Variants in HPSE2 observed in about 807,000 individuals in gnomAD.
HPSE2 encodes inactive heparanase-2.
A neutral mutation model predicts 60.5 loss-of-function variants in HPSE2; 38 were observed. The observed-to-expected ratio is 0.63, with a 90% CI of 0.48 to 0.82. HPSE2 has a LOEUF of 0.82. HPSE2 is among the 40% of genes least tolerant of loss of function. HPSE2 has a pLI of 0.00. For missense variants in HPSE2, 713 were observed against 740.4 expected (o/e 0.96, Z 0.43); for synonymous variants, 295 against 293.2 (o/e 1.01, Z -0.06).
chr10:98,548,287 C>G (rs1030246915), intron 9 of HPSE2, among the ~76,000 whole-genome samples: 2 of 152,098 alleles, frequency 1.3e-5, no homozygotes. Flanking sequence ...AGTGGGTAGG[C>G]AAATTCCCTT....
At chr10:98,598,052 A>C (rs945341822) in intron 9 of HPSE2, among the ~76,000 whole-genome samples, 9 of 143,684 alleles carry the variant, frequency 6.3e-5, no homozygotes, top group African/African-American at 2.1e-4. Flanking sequence ...ATTCCCTTTC[A>C]TTCTTTTTTT....
Position 98,560,520 on chromosome 10 carries a change from C to A in HPSE2, c.1320+54384G>T, listed in dbSNP as rs58418313. Reference sequence around the variant, plus strand: ...AAGCAGCCTGAGACCAAAGCCCAGTCCTGGCCCCATGTAGGCCCCACCTTT... The same window carrying A: ...AAGCAGCCTGAGACCAAAGCCCAGTACTGGCCCCATGTAGGCCCCACCTTT... On this transcript the variant is annotated intron_variant, in intron 9 of 11. Coordinates refer to ENST00000370552, the MANE Select transcript of HPSE2 (RefSeq NM_021828.5). Among the ~76,000 whole-genome samples, 1,983 of 152,330 alleles carry A rather than the reference C, an allele frequency of 0.013. 90 individuals are homozygous for A. In the East Asian group the frequency reaches 0.16, roughly 12 times the overall value.
intron 6 of HPSE2, among the ~76,000 whole-genome samples, chr10:98,664,143 C>G (rs1947297266): frequency 6.6e-6 from 1 of 152,118 alleles, no homozygotes; most frequent in Non-Finnish European, 1.5e-5. Flanking sequence ...ATGACTCTAC[C>G]CATCTCAGCT....
intron 3 of HPSE2, among the ~76,000 whole-genome samples, chr10:98,858,779 C>T (rs1255794965): frequency 6.6e-6 from 1 of 152,188 alleles, no homozygotes; most frequent in African/African-American, 2.4e-5. Context: ...ATAACCCCTA[C>T]CTACCTTACC....
At chr10:99,217,518 T>C (rs1849168933) in intron 2 of HPSE2, among the ~76,000 whole-genome samples, 1 of 152,050 alleles carries the variant, frequency 6.6e-6, no homozygotes, top group South Asian at 2.1e-4. Context: ...GGAGATTTTT[T>C]TTAAATCAAA....
At chr10:98,704,331 C>T (rs1948489254) in intron 5 of HPSE2, among the ~76,000 whole-genome samples, 1 of 152,060 alleles carries the variant, frequency 6.6e-6, no homozygotes, top group Non-Finnish European at 1.5e-5. Flanking sequence ...GGCCACACTG[C>T]CCAAAGTAAT....
intron 9 of HPSE2, among the ~76,000 whole-genome samples, chr10:98,597,970 CAAAAAAAAAAAAAAA>C (rs571184082): frequency 5.4e-5 from 3 of 55,152 alleles, no homozygotes; most frequent in Admixed American, 2.1e-4. Flanking sequence ...GACTCCATCT[CAAAAAAAAAAAAAAA>C]AAAAAAAAAA....
chr10:98,908,684 A>G (rs1375575391), intron 3 of HPSE2, among the ~76,000 whole-genome samples: 2 of 18,818 alleles, frequency 1.1e-4, no homozygotes, highest in South Asian at 2.1e-3. Context: ...GCTCCATCTC[A>G]AAAAAAAAAA....
chr10:98,459,541 A>G lies in HPSE2; in HGVS notation c.*33T>C, dbSNP rs1383555583. 6.2e-7 allele frequency: 1 copy of G among 1,612,256 alleles called. No homozygotes were observed. The highest frequency in any genetic ancestry group is 8.5e-7 in the Non-Finnish European group (1 of 1,178,336). ...AGTGGAGGAGTGGAAGCAGCCCAGC[A>G]GGCCCACTGGTAGCCGTGAGTGTGA... On this transcript the variant is annotated 3_prime_UTR_variant, in exon 12 of 12. Coordinates refer to ENST00000370552, the MANE Select transcript of HPSE2 (RefSeq NM_021828.5).
rs770699941 is a variant in HPSE2, at chr10:99,072,927, C to CAAAAAAAAAA, written c.610+71301_610+71310dup. Among the ~76,000 whole-genome samples the CAAAAAAAAAA allele has an allele frequency of 9.1e-5, 8 of 88,060 alleles. 2 individuals are homozygous for CAAAAAAAAAA. The highest frequency in any genetic ancestry group is 3.9e-4 in the African/African-American group (6 of 15,546). The allele number at this position is 88,060 out of a possible 152,430, so 57.8% of individuals were successfully genotyped here. A position where few individuals can be genotyped will look rare whatever the true frequency, so the allele number is the denominator to read the frequency against. On this transcript the variant is annotated intron_variant, in intron 3 of 11. Transcript: ENST00000370552. ...CTGGTGACAGAGCCAGGCTCCGTCT[C>CAAAAAAAAAA]AAAAAAAAAAAAAAAAAAAAAAAAA...
At chr10:99,155,747 T>TA (rs1846520224) in intron 2 of HPSE2, among the ~76,000 whole-genome samples, 1 of 148,436 alleles carries the variant, frequency 6.7e-6, no homozygotes, top group African/African-American at 2.5e-5. Context: ...AAGAAATAAC[T>TA]AAAATCAGAG....
chr10:99,189,820 A>G (rs1247936335), intron 2 of HPSE2, among the ~76,000 whole-genome samples: 1 of 152,190 alleles, frequency 6.6e-6, no homozygotes, highest in Non-Finnish European at 1.5e-5. Context: ...AGACAGAAGT[A>G]AACCCTTGAA....
At chr10:98,978,129 A>G (rs1434879353) in intron 3 of HPSE2, among the ~76,000 whole-genome samples, 1 of 152,158 alleles carries the variant, frequency 6.6e-6, no homozygotes, top group Non-Finnish European at 1.5e-5. Context: ...GATTTTAATC[A>G]CTACTATCAG....
intron 3 of HPSE2, among the ~76,000 whole-genome samples, chr10:98,937,850 G>C (rs61883692): frequency 7.0e-6 from 1 of 143,070 alleles, no homozygotes; most frequent in Non-Finnish European, 1.5e-5. Context: ...AGTAGGGGCA[G>C]ACTGACACCT....
At chr10:98,590,175 G>A (rs1312522326) in intron 9 of HPSE2, among the ~76,000 whole-genome samples, 1 of 152,256 alleles carries the variant, frequency 6.6e-6, no homozygotes, top group Non-Finnish European at 1.5e-5. Flanking sequence ...AGGCGTGGTG[G>A]CTCATGCCTG....
At chr10:98,638,376 C>T (rs1030226371) in intron 7 of HPSE2, among the ~76,000 whole-genome samples, 10 of 148,988 alleles carry the variant, frequency 6.7e-5, no homozygotes, top group African/African-American at 2.2e-4. Flanking sequence ...ACCCGGGAGG[C>T]GGAGCTTGCA....
intron 2 of HPSE2, among the ~76,000 whole-genome samples, chr10:99,210,962 A>G (rs956845304): frequency 2.0e-4 from 30 of 152,318 alleles, no homozygotes; most frequent in African/African-American, 7.0e-4. Context: ...CAAGTTGGAA[A>G]GGAAGAAGTT....
chr10:98,862,105 C>T (rs7089519), intron 3 of HPSE2, among the ~76,000 whole-genome samples: 2,695 of 152,194 alleles, frequency 0.018, 83 homozygotes, highest in African/African-American at 0.061. Context: ...GTACTGGCTG[C>T]GCTGAAACCA....
chr10:99,047,073 T>C (rs534808513), intron 3 of HPSE2, among the ~76,000 whole-genome samples: 38 of 152,148 alleles, frequency 2.5e-4, no homozygotes, highest in African/African-American at 8.9e-4. Context: ...TCAAATGATA[T>C]TATAGGGCTA....
Sources: gnomAD v4.1 joint callset for allele counts (sites outside exome capture counted in the v4.1 genomes callset) on GRCh38, gnomAD v4.1.1 for gene constraint, MANE v1.5 for transcripts, NCBI Gene and HGNC (gene_info 2026-07-23, HGNC 2026-07-21) for gene names.